The following SBF2 variants were observed in gnomAD, a reference collection of about 807,000 sequenced individuals.
SBF2 encodes myotubularin-related protein 13.
A neutral mutation model predicts 225.2 loss-of-function variants in SBF2; 112 were observed. That is an observed-to-expected ratio of 0.50 (90% CI 0.43 to 0.58). SBF2 has a LOEUF of 0.58. SBF2 is among the 20% of genes least tolerant of loss of function. The probability of loss-of-function intolerance (pLI) is 0.00; values close to 1 mark genes in which losing one functional copy is unlikely to be tolerated. For synonymous variants in SBF2, 763 were observed against 773.3 expected (o/e 0.99, Z 0.22); for missense variants, 1,996 against 2,206.2 (o/e 0.90, Z 1.91).
At chr11:10,162,915 C>CA (rs1478611942) in intron 2 of SBF2, among the ~76,000 whole-genome samples, 5 of 152,040 alleles carry the variant, frequency 3.3e-5, no homozygotes, top group Admixed American at 1.3e-4. Context: ...TGGAAATTTC[C>CA]CAAAAAACCC....
intron 2 of SBF2, among the ~76,000 whole-genome samples, chr11:10,179,663 C>G (rs1311175332): frequency 1.3e-5 from 2 of 152,090 alleles, no homozygotes; most frequent in Admixed American, 6.6e-5. Context: ...TTCTTTAGCT[C>G]TAATAATATT....
intron 6 of SBF2, among the ~76,000 whole-genome samples, chr11:10,013,514 T>C (rs1948532967): frequency 6.6e-6 from 1 of 152,232 alleles, no homozygotes; most frequent in Non-Finnish European, 1.5e-5. Flanking sequence ...CCTGAAATTG[T>C]TGTATTCAAC....
chr11:10,179,114 T>A (rs969991949), intron 2 of SBF2, among the ~76,000 whole-genome samples: 4 of 150,538 alleles, frequency 2.7e-5, no homozygotes, highest in Non-Finnish European at 5.9e-5. Flanking sequence ...AAACACCACA[T>A]ATTCTCACTC....
chr11:10,213,477 T>C (rs1049364771), intron 1 of SBF2, among the ~76,000 whole-genome samples: 15 of 152,302 alleles, frequency 9.8e-5, no homozygotes, highest in Non-Finnish European at 1.8e-4. Context: ...AAAATTAGAT[T>C]CCTCCTTTCC....
At chr11:10,273,427 GACT>G (rs963114528) in intron 1 of SBF2, among the ~76,000 whole-genome samples, 1 of 152,106 alleles carries the variant, frequency 6.6e-6, no homozygotes, top group Non-Finnish European at 1.5e-5. Context: ...AAACAGAAAA[GACT>G]ACAATGAATC....
chr11:9,833,046 T>C (rs1238259613), intron 26 of SBF2, among the ~76,000 whole-genome samples: 7 of 152,224 alleles, frequency 4.6e-5, no homozygotes, highest in Non-Finnish European at 1.0e-4. Context: ...ACAAGTCAAA[T>C]TGTAAACAAT....
intron 1 of SBF2, among the ~76,000 whole-genome samples, chr11:10,198,827 C>A (rs568625176): frequency 6.6e-6 from 1 of 152,212 alleles, no homozygotes; most frequent in Non-Finnish European, 1.5e-5. Flanking sequence ...CATGAACCAA[C>A]CTCCAGCTTC....
intron 2 of SBF2, among the ~76,000 whole-genome samples, chr11:10,117,605 T>C (rs1217323130): frequency 2.0e-5 from 3 of 152,186 alleles, no homozygotes; most frequent in Admixed American, 6.5e-5. Context: ...ACTGAAAGTT[T>C]ATGAACTTTC....
At chr11:9,905,933 G>T (rs1232750773) in intron 16 of SBF2, among the ~76,000 whole-genome samples, 1 of 152,084 alleles carries the variant, frequency 6.6e-6, no homozygotes, top group Non-Finnish European at 1.5e-5. Context: ...TCGTGTTTAG[G>T]TTTTTATTTT....
At position 10,180,666 on chromosome 11, in the gene SBF2, CCTATCTCTCTCTACCTCCT is replaced by C. The variant is rs1303286890; in HGVS notation, c.141+13217_141+13235del. On this transcript the variant is annotated intron_variant, in intron 2 of 39. Transcript: ENST00000256190. Reference sequence around the variant, plus strand: ...TATCACTTTGAGTAAACTTTCTACCCCTATCTCTCTCTACCTCCTCTTTAAGGCCAATAACTCTTAGATT... The same window carrying C: ...TATCACTTTGAGTAAACTTTCTACCCCTTTAAGGCCAATAACTCTTAGATT... Among the ~76,000 whole-genome samples, 7 of 152,176 alleles carry C rather than the reference CCTATCTCTCTCTACCTCCT, an allele frequency of 4.6e-5. No homozygotes were observed. The East Asian group carries it at 1.4e-3, about 29-fold the overall frequency.
At chr11:9,941,295 C>T (rs547846051) in intron 16 of SBF2, among the ~76,000 whole-genome samples, 241 of 152,168 alleles carry the variant, frequency 1.6e-3, no homozygotes, top group African/African-American at 5.6e-3. Flanking sequence ...CAGCCCCAGC[C>T]TGGGCAATGG....
At position 9,816,047 on chromosome 11, in the gene SBF2, A is replaced by G. The variant is rs78305096; in HGVS notation, c.3978+793T>C. Among the ~76,000 whole-genome samples the G allele has an allele frequency of 4.6e-4, 70 of 152,338 alleles. No individual in the cohort carries two copies. The East Asian group carries it at 0.012, about 26-fold the overall frequency. ...GGTCTGTCTAGGTTGTCCAGTGCCA[A>G]CTGGAGCACTGGATTAAACGTTGAG... On this transcript the variant is annotated intron_variant, in intron 29 of 39. Coordinates refer to ENST00000256190, the MANE Select transcript of SBF2 (RefSeq NM_030962.4).
intron 3 of SBF2, among the ~76,000 whole-genome samples, chr11:10,036,325 T>C (rs1949437312): frequency 1.3e-5 from 2 of 152,154 alleles, no homozygotes; most frequent in South Asian, 2.1e-4. Flanking sequence ...GACAGGTTGA[T>C]GGGTGCAGCA....
intron 19 of SBF2, among the ~76,000 whole-genome samples, 186 bp downstream of exon 19, chr11:9,856,272 T>C (rs1857306770): frequency 6.6e-6 from 1 of 152,160 alleles, no homozygotes; most frequent in Non-Finnish European, 1.5e-5. Flanking sequence ...TGGGAAGTGG[T>C]TAAGAATAGT....
intron 2 of SBF2, among the ~76,000 whole-genome samples, chr11:10,163,972 C>G (rs989765717): frequency 2.6e-5 from 4 of 152,162 alleles, no homozygotes; most frequent in African/African-American, 9.7e-5. Context: ...GAGAGTCAAG[C>G]TGGACAAAGC....
At chr11:9,810,208 C>T (rs1330999249) in intron 30 of SBF2, 5 of 152,266 alleles carry the variant, frequency 3.3e-5, no homozygotes, top group Admixed American at 1.3e-4. Flanking sequence ...CCTGGGAGAT[C>T]GAGGCTGCAG....
At chr11:10,162,172 C>T (rs1955776301) in intron 2 of SBF2, among the ~76,000 whole-genome samples, 1 of 150,414 alleles carries the variant, frequency 6.6e-6, no homozygotes, top group African/African-American at 2.4e-5. Flanking sequence ...AGCCCCAAAT[C>T]ACCTACCTTG....
chr11:10,081,065 T>G (rs1951345775), intron 2 of SBF2, among the ~76,000 whole-genome samples: 1 of 152,006 alleles, frequency 6.6e-6, no homozygotes, highest in Non-Finnish European at 1.5e-5. Flanking sequence ...TGACAGAAAA[T>G]TAAAGTGGAC....
chr11:9,814,946 T>C lies in SBF2; in HGVS notation c.3978+1894A>G, dbSNP rs552778637. On this transcript the variant is annotated intron_variant, in intron 29 of 39. Transcript: ENST00000256190. ...TTCAGAATAAGTCACTGTAATTTAT[T>C]GGCTTTCATGTTTCTTTGTTGGGAG... Among the ~76,000 whole-genome samples, 7 of 152,294 alleles carry C rather than the reference T, an allele frequency of 4.6e-5. No individual in the cohort carries two copies. In the East Asian group the frequency reaches 1.2e-3, roughly 25 times the overall value.
Sources: gnomAD v4.1 joint callset for allele counts (sites outside exome capture counted in the v4.1 genomes callset) on GRCh38, gnomAD v4.1.1 for gene constraint, MANE v1.5 for transcripts, NCBI Gene and HGNC (gene_info 2026-07-23, HGNC 2026-07-21) for gene names.